The following COL22A1 variants were observed in gnomAD, a reference collection of about 807,000 sequenced individuals.
COL22A1 encodes collagen alpha-1(XXII) chain.
A neutral mutation model predicts 248.9 loss-of-function variants in COL22A1; 221 were observed. The observed-to-expected ratio is 0.89, with a 90% CI of 0.80 to 0.99. The LOEUF is 0.99. Ranked by LOEUF, COL22A1 falls within the 50% of genes least tolerant of loss-of-function variation. The pLI is 0.00. For missense variants in COL22A1, 2,240 were observed against 2,179.0 expected (o/e 1.03, Z -0.56); for synonymous variants, 891 against 793.4 (o/e 1.12, Z -2.07).
intron 52 of COL22A1, chr8:138,619,910 G>A: frequency 5.0e-6 from 1 of 198,072 alleles, no homozygotes; most frequent in Non-Finnish European, 1.0e-5. Context: ...GAGGCTCAAA[G>A]TTATATTTTT....
At chr8:138,693,809 A>G (rs1297254596) in intron 34 of COL22A1, 110 bp from the exon 35 acceptor site, 1 of 1,151,474 alleles carries the variant, frequency 8.7e-7, no homozygotes, top group East Asian at 2.6e-5. Context: ...CATTATTCCA[A>G]ACTGAAGGGG....
At chr8:138,632,636 T>C (rs796103311) in intron 49 of COL22A1, among the ~76,000 whole-genome samples, 1 of 152,194 alleles carries the variant, frequency 6.6e-6, no homozygotes, top group South Asian at 2.1e-4. Context: ...GACTACATCA[T>C]GGTCTTGGAT....
At chr8:138,680,965 G>A (rs1825914840) in intron 39 of COL22A1, among the ~76,000 whole-genome samples, 1 of 152,204 alleles carries the variant, frequency 6.6e-6, no homozygotes, top group African/African-American at 2.4e-5. Context: ...CTGGACCCAT[G>A]TCAGGGATGT....
At chr8:138,754,649 C>T (rs973950476) in intron 21 of COL22A1, among the ~76,000 whole-genome samples, 4 of 152,176 alleles carry the variant, frequency 2.6e-5, no homozygotes, top group Admixed American at 6.5e-5. Context: ...CACAAGGGCC[C>T]TTTGGATGGC....
intron 12 of COL22A1, among the ~76,000 whole-genome samples, chr8:138,786,129 C>T (rs145733914): frequency 1.3e-5 from 2 of 152,268 alleles, no homozygotes; most frequent in East Asian, 3.9e-4. Context: ...GATCGTCAAC[C>T]TAACTTCAGA....
At chr8:138,844,216 G>A in intron 3 of COL22A1, 58 bp from the exon 4 acceptor site, 2 of 1,519,412 alleles carry the variant, frequency 1.3e-6, no homozygotes, top group Non-Finnish European at 1.8e-6. Context: ...TCGTCACCCT[G>A]TGAAATATGA....
Position 138,676,595 on chromosome 8 carries a change from C to G in COL22A1, c.3113G>C (p.Ser1038Thr). 1 of 1,569,040 alleles carries G rather than the reference C, an allele frequency of 6.4e-7. No individual in the cohort carries two copies. The highest frequency in any genetic ancestry group is 1.3e-5 in the African/African-American group (1 of 74,348). ...AACCCCAATGCCTGGGTCACCACGG[C>G]TGCCAGGAGAACCAGGGATCCCAGG... is the stretch of plus-strand genomic sequence containing the variant. The part of the protein sequence containing the change: ...GAPGIPGSPG[S>T]RGDPGIGVAG... Residue 1038 changes from serine (S) to threonine (T), a missense_variant, in exon 41 of 65, where the codon AGC (serine) becomes ACC (threonine). By Grantham distance (58) the Ser-to-Thr change is moderately conservative. Transcript: ENST00000303045.
chr8:138,845,093 C>T (rs1264892905), intron 3 of COL22A1, among the ~76,000 whole-genome samples: 1 of 152,002 alleles, frequency 6.6e-6, no homozygotes, highest in Non-Finnish European at 1.5e-5. Flanking sequence ...GGTACAATTA[C>T]ATAAACAGGC....
chr8:138,821,862 A>T (rs894707808), intron 6 of COL22A1, among the ~76,000 whole-genome samples: 1 of 152,050 alleles, frequency 6.6e-6, no homozygotes, highest in Admixed American at 6.5e-5. Context: ...TTCAGGCCTG[A>T]TCTATTACCC....
chr8:138,762,738 G>A (rs1250000606), intron 16 of COL22A1, among the ~76,000 whole-genome samples: 1 of 142,278 alleles, frequency 7.0e-6, no homozygotes, highest in Admixed American at 7.6e-5. Flanking sequence ...CCTTCTGTGA[G>A]CCACACAGTC....
intron 3 of COL22A1, among the ~76,000 whole-genome samples, chr8:138,859,151 T>G (rs1378751161): frequency 2.0e-5 from 3 of 152,226 alleles, no homozygotes; most frequent in Middle Eastern, 3.2e-3. Context: ...TGTGATTTAT[T>G]TGTGCCACTG....
At chr8:138,608,323 G>A (rs371683441) in intron 56 of COL22A1, among the ~76,000 whole-genome samples, 3 of 152,290 alleles carry the variant, frequency 2.0e-5, no homozygotes, top group Admixed American at 6.5e-5. Flanking sequence ...CAGTTGCTGT[G>A]TTGAAGAACA....
intron 23 of COL22A1, among the ~76,000 whole-genome samples, chr8:138,734,432 A>G (rs961782350): frequency 1.3e-5 from 2 of 152,262 alleles, no homozygotes; most frequent in African/African-American, 2.4e-5. Context: ...AATGCATGAT[A>G]GTAAGCAGGA....
rs187978332 is a variant in COL22A1 at position 138,602,320 on chromosome 8, G to A, written c.4141-161C>T. ...TCTGATTTATGCCTACATGGTGGGG[G>A]TGGGGGCGGCACACTGTGCCTTCTC... is the stretch of plus-strand genomic sequence containing the variant. On this transcript the variant is annotated intron_variant, in intron 59 of 64. Coordinates refer to ENST00000303045, the MANE Select transcript of COL22A1 (RefSeq NM_152888.3). Among the ~76,000 whole-genome samples the A allele has an allele frequency of 1.9e-3, 289 of 151,990 alleles. 4 individuals carry two copies. The highest frequency in any genetic ancestry group is 6.3e-4 in the Non-Finnish European group (43 of 67,968).
chr8:138,763,391 A>AG (rs1353363171), intron 16 of COL22A1, among the ~76,000 whole-genome samples: 1 of 151,350 alleles, frequency 6.6e-6, no homozygotes, highest in East Asian at 2.0e-4. Flanking sequence ...TGTCTCCAAA[A>AG]AAAAAGAAAA....
intron 23 of COL22A1, among the ~76,000 whole-genome samples, chr8:138,730,874 T>C (rs1158115125): frequency 1.3e-5 from 2 of 149,378 alleles, no homozygotes; most frequent in African/African-American, 2.5e-5. Context: ...TGCTGAGCCA[T>C]GGCTAGATGG....
chr8:138,638,024 T>A (rs1821343097), intron 47 of COL22A1, among the ~76,000 whole-genome samples: 1 of 150,906 alleles, frequency 6.6e-6, no homozygotes, highest in African/African-American at 2.4e-5. Context: ...ATGACTATTG[T>A]CATCACCATC....
chr8:138,805,997 T>TGG (rs58717646), intron 10 of COL22A1, among the ~76,000 whole-genome samples: 5 of 63,636 alleles, frequency 7.9e-5, no homozygotes, highest in Non-Finnish European at 1.4e-4. Context: ...TGTGATGGTG[T>TGG]GTGTGTGTGA....
intron 41 of COL22A1, among the ~76,000 whole-genome samples, chr8:138,669,131 C>T (rs1400413157): frequency 6.6e-6 from 1 of 152,180 alleles, no homozygotes; most frequent in Non-Finnish European, 1.5e-5. Flanking sequence ...AAGAGGTGGG[C>T]TCAGATCCAG....
Sources: gnomAD v4.1 joint callset for allele counts (sites outside exome capture counted in the v4.1 genomes callset) on GRCh38, gnomAD v4.1.1 for gene constraint, MANE v1.5 for transcripts, NCBI Gene and HGNC (gene_info 2026-07-23, HGNC 2026-07-21) for gene names.